MARCHF6: variants seen among roughly 807,000 people sequenced by gnomAD.
MARCHF6 encodes the protein membrane associated ring-CH-type finger 6.
MARCHF6 carries 31 observed loss-of-function variants against 133.7 expected under a neutral mutation model. The ratio of observed to expected loss-of-function variants is 0.23; its 90% CI spans 0.17 to 0.31. The LOEUF (loss-of-function observed/expected upper bound fraction) is 0.31, where lower values mean the gene tolerates loss of function less well. Ranked by LOEUF, MARCHF6 falls within the 10% of genes least tolerant of loss-of-function variation. MARCHF6 has a pLI of 1.00. For missense variants in MARCHF6, 723 were observed against 1,121.6 expected (o/e 0.64, Z 5.08); for synonymous variants, 395 against 402.5 (o/e 0.98, Z 0.22).
At position 10,378,846 on chromosome 5, in the gene MARCHF6, A is replaced by T; in HGVS notation, c.190+14A>T. On this transcript the variant is annotated intron_variant, in intron 3 of 25. Coordinates refer to ENST00000274140, the MANE Select transcript of MARCHF6 (RefSeq NM_005885.4). ...CTTTTACACCAAGTAAGTTCTTTAG[A>T]CATTTTCACTGCATTTTTTTTGGTT... 6.3e-7 allele frequency: 1 copy of T among 1,578,640 alleles called. No homozygotes were observed. Among genetic ancestry groups the T allele is most frequent in the Non-Finnish European group, 8.7e-7 (1 of 1,150,772 alleles).
rs556663815 is a variant in MARCHF6 at position 10,433,904 on chromosome 5, G to A, written c.*220G>A. The A allele has an allele frequency of 4.3e-5, 23 of 532,412 alleles. No individual in the cohort carries two copies. The East Asian group carries it at 7.2e-4, about 17-fold the overall frequency. 33.0% of individuals were successfully genotyped at this position (532,412 alleles called of 1,614,324 possible). On this transcript the variant is annotated 3_prime_UTR_variant, in exon 26 of 26. Transcript: ENST00000274140. The stretch of plus-strand genomic sequence containing the variant: ...GAGATTTGTATATGTGTAAATACAA[G>A]TTCCTTGATACCCTAAAACCTTGGA...
chr5:10,410,527 A>G (rs1473427832), intron 18 of MARCHF6, among the ~76,000 whole-genome samples: 3 of 151,804 alleles, frequency 2.0e-5, no homozygotes, highest in Admixed American at 6.6e-5. Context: ...GCTTTCATGG[A>G]GTAAATGTCT....
chr5:10,407,346 TTTA>T, intron 17 of MARCHF6, 144 bp downstream of exon 17: 2 of 339,594 alleles, frequency 5.9e-6, no homozygotes, highest in Non-Finnish European at 1.0e-5. Flanking sequence ...TACCTTTATT[TTTA>T]TTATTTTTTA....
At chr5:10,418,650 C>T (rs898557664) in intron 22 of MARCHF6, among the ~76,000 whole-genome samples, 14 of 152,058 alleles carry the variant, frequency 9.2e-5, no homozygotes, top group Admixed American at 5.9e-4. Flanking sequence ...TTATTTGGCC[C>T]GTATTTCCCT....
chr5:10,402,656 A>G (rs751637308), intron 14 of MARCHF6, 49 bp downstream of exon 14: 2 of 1,414,056 alleles, frequency 1.4e-6, no homozygotes, highest in Non-Finnish European at 2.0e-6. Flanking sequence ...AAGGGCTTCA[A>G]AAGAGGAAGT....
At chr5:10,428,106 G>A (rs1349385546) in intron 24 of MARCHF6, among the ~76,000 whole-genome samples, 1 of 151,958 alleles carries the variant, frequency 6.6e-6, no homozygotes, top group East Asian at 1.9e-4. Flanking sequence ...ATAGAGAGAG[G>A]CTGAGCAATG....
chr5:10,404,858 A>G (rs938063527), intron 15 of MARCHF6, among the ~76,000 whole-genome samples: 10 of 152,256 alleles, frequency 6.6e-5, no homozygotes, highest in Non-Finnish European at 1.0e-4. Context: ...AACTAAAGCA[A>G]GTACAGAAAT....
intron 8 of MARCHF6, 133 bp downstream of exon 8, chr5:10,394,276 GA>G: frequency 2.0e-6 from 1 of 488,176 alleles, no homozygotes. Context: ...CATTCCTAGT[GA>G]AAGTTAAGTG....
At chr5:10,382,421 C>G (rs757161913) in intron 4 of MARCHF6, among the ~76,000 whole-genome samples, 2 of 149,520 alleles carry the variant, frequency 1.3e-5, no homozygotes, top group Non-Finnish European at 3.0e-5. Flanking sequence ...GAACTGAGAT[C>G]GCACCACTGC....
chr5:10,417,355 C>A lies in MARCHF6; in HGVS notation c.2234C>A (p.Ala745Asp). The change falls in exon 22 of 26, where the codon GCT (alanine) becomes GAT (aspartate). Residue 745 changes from alanine (A) to aspartate (D), a missense_variant. Ala to Asp is a moderately radical substitution (Grantham distance 126). Transcript: ENST00000274140. ...CTCCTGTTTGAGCTGGTCATTGTGG[C>A]TCCCCTGAGGGTTCCCTTGGATCAG... ...LGLLFELVIV[A>D]PLRVPLDQTP... The A allele has an allele frequency of 3.1e-6, 5 of 1,614,132 alleles. No individual in the cohort carries two copies. Among genetic ancestry groups the A allele is most frequent in the Non-Finnish European group, 4.2e-6 (5 of 1,180,008 alleles).
chr5:10,419,796 A>G (rs1739735841), intron 22 of MARCHF6, among the ~76,000 whole-genome samples: 1 of 152,246 alleles, frequency 6.6e-6, no homozygotes, highest in African/African-American at 2.4e-5. Context: ...GTAACAAGTT[A>G]TCCCGCAACT....
intron 8 of MARCHF6, 148 bp downstream of exon 8, chr5:10,394,291 T>C (rs1309507645): frequency 5.5e-5 from 26 of 473,656 alleles, no homozygotes; most frequent in Non-Finnish European, 7.6e-5. Context: ...TTAAGTGATA[T>C]ATTGTTTATG....
Position 10,399,475 on chromosome 5 carries a change from C to T in MARCHF6, c.914-1309C>T, listed in dbSNP as rs1056963317. Among the ~76,000 whole-genome samples the T allele has an allele frequency of 1.1e-4, 16 of 151,658 alleles. 1 individual carries two copies. Among genetic ancestry groups the T allele is most frequent in the African/African-American group, 3.6e-4 (15 of 41,304 alleles). ...CTCCCCTGGTAATCTACTGCGCTGT[C>T]GATTTATTTCTACCATAAAGAAAAG... is the stretch of plus-strand genomic sequence containing the variant. On this transcript the variant is annotated intron_variant, in intron 10 of 25. Transcript: ENST00000274140.
intron 4 of MARCHF6, among the ~76,000 whole-genome samples, chr5:10,382,174 C>T (rs1464895339): frequency 1.3e-5 from 2 of 152,148 alleles, no homozygotes; most frequent in Non-Finnish European, 2.9e-5. Flanking sequence ...GAATGGCTAA[C>T]CATGAAAGTT....
rs1406042377 is a variant in MARCHF6 at position 10,437,763 on chromosome 5, T to C, written c.*4079T>C. ...TACCCAGACCAATTTTATGTATATA[T>C]ATTCTGAAATGCTCCCTTTTTAATG... On this transcript the variant is annotated 3_prime_UTR_variant, in exon 26 of 26. Transcript: ENST00000274140. 6.6e-6 allele frequency: 1 copy of C among 152,230 alleles called. No individual in the cohort carries two copies. Among genetic ancestry groups the C allele is most frequent in the African/African-American group, 2.4e-5 (1 of 41,452 alleles). 9.4% of individuals were successfully genotyped at this position (152,230 alleles called of 1,614,324 possible). A position where few individuals can be genotyped will look rare whatever the true frequency, so the allele number is the denominator to read the frequency against.
intron 22 of MARCHF6, among the ~76,000 whole-genome samples, chr5:10,421,524 A>G (rs946918678): frequency 1.3e-5 from 2 of 152,230 alleles, no homozygotes; most frequent in African/African-American, 4.8e-5. Context: ...CCTTTCCTGC[A>G]GCAAGTGGCT....
chr5:10,391,449 T>TG (rs1051093332), intron 6 of MARCHF6, 93 bp from the exon 7 acceptor site: 149 of 537,678 alleles, frequency 2.8e-4, no homozygotes, highest in African/African-American at 2.0e-3. Context: ...TTTTTTTTTT[T>TG]TTTTTTTTTT....
chr5:10,402,223 C>G (rs539031616), intron 12 of MARCHF6, 84 bp downstream of exon 12: 6 of 1,113,786 alleles, frequency 5.4e-6, no homozygotes, highest in Non-Finnish European at 8.1e-6. Context: ...CTTGTCTATC[C>G]TTGTCCTCTT....
chr5:10,402,728 A>T, intron 14 of MARCHF6, 121 bp downstream of exon 14: 2 of 914,330 alleles, frequency 2.2e-6, no homozygotes, highest in Admixed American at 4.1e-5. Context: ...TTCTTTTGGC[A>T]TGTGTATCAG....
Sources: allele counts gnomAD v4.1 joint callset (sites outside exome capture counted in the v4.1 genomes callset), GRCh38; gene constraint gnomAD v4.1.1; transcripts MANE v1.5; gene names NCBI Gene and HGNC (gene_info 2026-07-23, HGNC 2026-07-21).